MPP1: variants seen among roughly 807,000 people sequenced by gnomAD.
The protein encoded by MPP1 is 55 kDa erythrocyte membrane protein.
MPP1 carries 6 observed loss-of-function variants against 38.2 expected under a neutral mutation model. The ratio of observed to expected loss-of-function variants is 0.16; its 90% CI spans 0.09 to 0.31. The LOEUF is 0.31. Ranked by LOEUF, MPP1 falls within the 10% of genes least tolerant of loss-of-function variation. The pLI, the probability that MPP1 is intolerant of heterozygous loss-of-function variation, is 1.00. For missense variants in MPP1, 293 were observed against 368.9 expected (o/e 0.79, Z 1.69); for synonymous variants, 153 against 146.3 (o/e 1.05, Z -0.33).
intron 1 of MPP1, among the ~76,000 whole-genome samples, chrX:154,801,349 A>G (rs1557268652): frequency 8.9e-6 from 1 of 111,996 alleles, no homozygotes; most frequent in African/African-American, 3.3e-5. Flanking sequence ...TTGTGTAGGG[A>G]GAACAAATGA....
In MPP1 at chrX:154,803,005, G is replaced by C. The variant is rs184119544; in HGVS notation, c.102+2267C>G. ...CAGGCAGCTCCTAGGGAGATACTGGGTCATTACCCTGGATGTCCCAGTGTG... is the reference window on the plus strand; with the variant it reads ...CAGGCAGCTCCTAGGGAGATACTGGCTCATTACCCTGGATGTCCCAGTGTG... On this transcript the variant is annotated intron_variant, in intron 1 of 11. Coordinates refer to ENST00000369534, the MANE Select transcript of MPP1 (RefSeq NM_002436.4). Among the ~76,000 whole-genome samples the C allele has an allele frequency of 1.3e-4, 15 of 112,436 alleles. No homozygotes were observed. In the East Asian group the frequency reaches 3.9e-3, roughly 29 times the overall value.
intron 1 of MPP1, among the ~76,000 whole-genome samples, chrX:154,801,575 A>G (rs1369988602): frequency 2.8e-5 from 3 of 108,926 alleles, no homozygotes; most frequent in Admixed American, 2.0e-4. Flanking sequence ...CCCGGCCAAC[A>G]TGGCGAAAAC....
At chrX:154,801,508 C>G (rs1255484731) in intron 1 of MPP1, among the ~76,000 whole-genome samples, 1 of 110,402 alleles carries the variant, frequency 9.1e-6, no homozygotes, top group Non-Finnish European at 1.9e-5. Flanking sequence ...CCTGTAATCC[C>G]AGCACTTTGG....
chrX:154,784,134 G>A (rs1325877720), intron 7 of MPP1, 26 bp from the exon 8 acceptor site: 2 of 1,150,489 alleles, frequency 1.7e-6, no homozygotes, highest in African/African-American at 1.8e-5. Context: ...ACCAAGCAGT[G>A]TTCATTTCCA....
At chrX:154,783,566 C>G in intron 8 of MPP1, 59 bp from the exon 9 acceptor site, 7 of 1,011,073 alleles carry the variant, frequency 6.9e-6, no homozygotes, top group Non-Finnish European at 9.6e-6. Flanking sequence ...GGATAAGATA[C>G]GGATTTTCCT....
At chrX:154,800,255 T>A (rs1029384102) in intron 1 of MPP1, among the ~76,000 whole-genome samples, 18 of 112,282 alleles carry the variant, frequency 1.6e-4, no homozygotes, top group African/African-American at 5.2e-4. Context: ...TAGAAAGAGA[T>A]TAGCACTGTT....
At chrX:154,792,312 G>C (rs782068811) in intron 1 of MPP1, 27 bp from the exon 2 acceptor site, 7 of 1,185,883 alleles carry the variant, frequency 5.9e-6, no homozygotes, top group Non-Finnish European at 6.8e-6. Flanking sequence ...ACAAAGCAAC[G>C]TATGAAATCA....
intron 1 of MPP1, among the ~76,000 whole-genome samples, chrX:154,793,239 A>G (rs1314289969): frequency 8.9e-6 from 1 of 112,739 alleles, no homozygotes; most frequent in African/African-American, 3.2e-5. Flanking sequence ...AGCAATCATC[A>G]TACAAGCAAA....
At chrX:154,783,794 C>G (rs1160569159) in intron 8 of MPP1, 2 of 432,874 alleles carry the variant, frequency 4.6e-6, no homozygotes, top group Admixed American at 4.1e-5. Flanking sequence ...TGAAACCTAA[C>G]CAAAAATAAT....
chrX:154,787,814 A>C (rs934357263), intron 5 of MPP1, among the ~76,000 whole-genome samples: 19 of 112,551 alleles, frequency 1.7e-4, no homozygotes, highest in African/African-American at 5.8e-4. Flanking sequence ...GATGTCTGCT[A>C]TCATCACTTC....
rs1603429798 is a variant in MPP1 at position 154,779,228 on chromosome X, G to A, written c.1350C>T (p.Phe450=). Residue 450 remains phenylalanine, a synonymous_variant, in exon 12 of 12, where the codon TTC becomes TTT. Coordinates refer to ENST00000369534, the MANE Select transcript of MPP1 (RefSeq NM_002436.4). ...DETLKKLQEA[F]DQACSSPQWV... ...ACTGTGGAGAACTGCACGCTTGGTC[G>A]AAGGCTTCTTGTAATTTCTTAAGGG... The A allele has an allele frequency of 3.3e-6, 4 of 1,211,716 alleles. No individual in the cohort carries two copies. Among genetic ancestry groups the A allele is most frequent in the Non-Finnish European group, 2.2e-6 (2 of 895,452 alleles).
intron 1 of MPP1, chrX:154,799,695 G>A (rs1557268458): frequency 1.8e-6 from 2 of 1,127,312 alleles, no homozygotes; most frequent in Admixed American, 2.7e-5. Flanking sequence ...AAGTGGCTCT[G>A]TTAAGGATGA....
chrX:154,805,462 A>C lies in MPP1; in HGVS notation c.-89T>G. On this transcript the variant is annotated 5_prime_UTR_variant, in exon 1 of 12. Coordinates refer to ENST00000369534, the MANE Select transcript of MPP1 (RefSeq NM_002436.4). ...CCTGCGGGGCTGCGGAGAAGGCGGGAGACGCGGTGCGGCTGGGCCAGTCAC... is the reference window on the plus strand; with the variant it reads ...CCTGCGGGGCTGCGGAGAAGGCGGGCGACGCGGTGCGGCTGGGCCAGTCAC... The C allele has an allele frequency of 1.1e-6, 1 of 938,551 alleles. No individual in the cohort carries two copies. Among genetic ancestry groups the C allele is most frequent in the Non-Finnish European group, 1.5e-6 (1 of 678,631 alleles). The allele number at this position is 938,551 out of a possible 1,213,427, so 77.3% of individuals were successfully genotyped here. A position where few individuals can be genotyped will look rare whatever the true frequency, so the allele number is the denominator to read the frequency against.
intron 11 of MPP1, among the ~76,000 whole-genome samples, chrX:154,780,711 C>T (rs1255032659): frequency 1.8e-5 from 2 of 111,264 alleles, no homozygotes; most frequent in Non-Finnish European, 3.8e-5. Context: ...CAGCAGAAGA[C>T]CAAGCAGCTA....
chrX:154,805,226 G>A, intron 1 of MPP1, 46 bp downstream of exon 1: 1 of 1,126,721 alleles, frequency 8.9e-7, no homozygotes, highest in Non-Finnish European at 1.2e-6. Context: ...GAGATGAATG[G>A]CCGAGCCCCG....
At chrX:154,797,314 G>T (rs1276954736) in intron 1 of MPP1, among the ~76,000 whole-genome samples, 1 of 111,413 alleles carries the variant, frequency 9.0e-6, no homozygotes, top group Non-Finnish European at 1.9e-5. Context: ...GTCCATGTAG[G>T]TTACACTAAA....
intron 1 of MPP1, chrX:154,799,902 T>A: frequency 5.5e-6 from 6 of 1,095,286 alleles, no homozygotes; most frequent in East Asian, 7.4e-5. Flanking sequence ...AGCTGGAATT[T>A]AAAAAGAGAT....
chrX:154,788,495 C>G (rs2072105337), intron 5 of MPP1, among the ~76,000 whole-genome samples: 1 of 112,081 alleles, frequency 8.9e-6, no homozygotes, highest in Non-Finnish European at 1.9e-5. Context: ...CCCAACAAAT[C>G]AGACAATGCT....
At chrX:154,782,761 T>C (rs1225839158) in intron 9 of MPP1, 6 of 112,609 alleles carry the variant, frequency 5.3e-5, no homozygotes, top group African/African-American at 1.3e-4. Context: ...CTTCATTTCA[T>C]TGTATTGTTG....
Sources: gnomAD v4.1 joint callset for allele counts (sites outside exome capture counted in the v4.1 genomes callset) on GRCh38, gnomAD v4.1.1 for gene constraint, MANE v1.5 for transcripts, NCBI Gene and HGNC (gene_info 2026-07-23, HGNC 2026-07-21) for gene names.